Variants in LTK observed in about 807,000 individuals in gnomAD.
LTK encodes leukocyte receptor tyrosine kinase, also known as leukocyte tyrosine kinase receptor.
A neutral mutation model predicts 101.5 loss-of-function variants in LTK; 117 were observed. The ratio of observed to expected loss-of-function variants is 1.15; its 90% confidence interval spans 0.99 to 1.34. The LOEUF (loss-of-function observed/expected upper bound fraction) is 1.34. LTK is among the 40% of genes most tolerant of loss of function. The pLI, the probability that LTK is intolerant of heterozygous loss-of-function variation, is 0.00. For missense variants in LTK, 1,252 were observed against 1,164.7 expected, an observed-to-expected ratio of 1.07 and a Z score of -1.09; for synonymous variants, 563 against 494.2, an observed-to-expected ratio of 1.14 and a Z score of -1.85.
Position 41,511,279 on chromosome 15 carries a change from C to A in LTK, c.882G>T (p.Ala294=). The A allele has an allele frequency of 7.0e-7, 1 of 1,418,806 alleles. No homozygotes were observed. Among genetic ancestry groups the A allele is most frequent in the Non-Finnish European group, 9.2e-7 (1 of 1,091,464 alleles). The allele number at this position is 1,418,806 out of a possible 1,614,324, so 87.9% of individuals were successfully genotyped here. ...CCTCGGAGCAGCCCTGGCCGCCCTCCGCCCCCTCCTGCAGTGAGCGGCCGG... is the reference window on the plus strand; with the variant it reads ...CCTCGGAGCAGCCCTGGCCGCCCTCAGCCCCCTCCTGCAGTGAGCGGCCGG... ...PQAGRSLQEG[A]EGGQGCSEAW... Residue 294 remains alanine, a synonymous_variant, in exon 7 of 20, where the codon GCG becomes GCT. Transcript: ENST00000263800. The surrounding 1 kb of genome is among the most constrained non-coding windows in gnomAD (Gnocchi z 5.9).
At chr15:41,505,890 C>G in intron 12 of LTK, 25 bp downstream of exon 12, 5 of 1,607,490 alleles carry the variant, frequency 3.1e-6, no homozygotes, top group Non-Finnish European at 4.3e-6. Context: ...CTCCTACCCC[C>G]AGCCAGAAGT....
In LTK at chr15:41,504,387, G is replaced by A; in HGVS notation, c.2301C>T (p.Arg767=). The change falls in exon 19 of 20, where the codon CGC becomes CGT. Residue 767 remains arginine, a synonymous_variant. Coordinates refer to ENST00000263800, the MANE Select transcript of LTK (RefSeq NM_002344.6). ...GCTCCAAGATGCTGGCAAAGCTAGG[G>A]CGGAGCTCAGGCTCGTGCTGCCAAC... ...TQCWQHEPEL[R]PSFASILERL... The A allele has an allele frequency of 1.9e-6, 3 of 1,614,144 alleles. No individual in the cohort carries two copies. The highest frequency in any genetic ancestry group is 2.5e-6 in the Non-Finnish European group (3 of 1,180,006).
chr15:41,505,380 G>GC (rs750678804), intron 14 of LTK, 21 bp downstream of exon 14: 3 of 1,613,634 alleles, frequency 1.9e-6, no homozygotes, highest in Admixed American at 3.3e-5. Context: ...GGGCCTGGGG[G>GC]GGCTAAGACA....
Position 41,511,380 on chromosome 15 carries a change from A to C in LTK, c.815-34T>G. The stretch of plus-strand genomic sequence containing the variant: ...CGACAGCAGGAAGGTTGGCAGCCAC[A>C]CGGGGAGCACGCCCGCCTCTCCCCG... On this transcript the variant is annotated intron_variant, in intron 6 of 19. Transcript: ENST00000263800. This position sits in a 1 kb window ranked among gnomAD's most constrained non-coding sequence, Gnocchi z 5.9. 3 of 1,364,088 alleles carry C rather than the reference A, an allele frequency of 2.2e-6. No individual in the cohort carries two copies. Among genetic ancestry groups the C allele is most frequent in the Non-Finnish European group, 2.8e-6 (3 of 1,067,276 alleles). 84.5% of individuals were successfully genotyped at this position (1,364,088 alleles called of 1,614,324 possible).
Position 41,511,230 on chromosome 15 carries a change from C to A in LTK, c.931G>T (p.Ala311Ser), listed in dbSNP as rs1300480831. 4 of 1,404,270 alleles carry A rather than the reference C, an allele frequency of 2.8e-6. No homozygotes were observed. Among genetic ancestry groups the A allele is most frequent in the East Asian group, 3.1e-5 (1 of 31,936 alleles). 87.0% of individuals were successfully genotyped at this position (1,404,270 alleles called of 1,614,324 possible). The change falls in exon 7 of 20, where the codon GCG (alanine) becomes TCG (serine). Residue 311 changes from alanine (A) to serine (S), a missense_variant. By Grantham distance (99) the Ala-to-Ser change is moderately conservative (BLOSUM62 1). Transcript: ENST00000263800. The surrounding 1 kb of genome is among the most constrained non-coding windows in gnomAD (Gnocchi z 5.9). ...SEAWATLGWA[A>S]AGGFGGGGGA... ...CCGCCGCCCCCGAAGCCGCCGGCCG[C>A]GGCCCAGCCAAGGGTCGCCCAAGCC...
At chr15:41,506,040 C>T (rs775707145) in intron 11 of LTK, 35 bp from the exon 12 acceptor site, 18 of 1,477,784 alleles carry the variant, frequency 1.2e-5, no homozygotes, top group East Asian at 6.8e-5. Flanking sequence ...AGTGGGCAGG[C>T]GGCCTGGAGA....
At position 41,511,747 on chromosome 15, in the gene LTK, G is replaced by A. The variant is rs1183788803; in HGVS notation, c.657+70C>T. ...AGGGGGACCCCAAGGGACGGACGGA[G>A]AGCCGGTGCGTGAGCGCCCCTGGGG... On this transcript the variant is annotated intron_variant, in intron 5 of 19. Transcript: ENST00000263800. The surrounding 1 kb of genome is among the most constrained non-coding windows in gnomAD (Gnocchi z 5.9). 48 of 1,447,776 alleles carry A rather than the reference G, an allele frequency of 3.3e-5. No individual in the cohort carries two copies. Among genetic ancestry groups the A allele is most frequent in the Middle Eastern group, 4.8e-4 (2 of 4,144 alleles). 89.7% of individuals were successfully genotyped at this position (1,447,776 alleles called of 1,614,324 possible). A position where few individuals can be genotyped will look rare whatever the true frequency, so the allele number is the denominator to read the frequency against.
rs141452827 is a variant in LTK at position 41,507,464 on chromosome 15, G to A, written c.1345+98C>T. 12,693 of 1,557,256 alleles carry A rather than the reference G, an allele frequency of 8.2e-3. 61 individuals are homozygous for A. The highest frequency in any genetic ancestry group is 9.5e-3 in the Non-Finnish European group (10,961 of 1,150,650). On this transcript the variant is annotated intron_variant, in intron 10 of 19. Transcript: ENST00000263800. ...GTCTACCACGGCTCTGCTGCGGTGA[G>A]TGGTCTTGAAGTCAGCCCCGGGACC...
intron 11 of LTK, among the ~76,000 whole-genome samples, chr15:41,506,359 CAA>C (rs2051282942): frequency 6.6e-6 from 1 of 152,200 alleles, no homozygotes; most frequent in Non-Finnish European, 1.5e-5. Flanking sequence ...GGCTGGAGTG[CAA>C]TAGCGCGATC....
In LTK at chr15:41,505,994, T is replaced by C. The variant is rs762844291; in HGVS notation, c.1553A>G (p.His518Arg). ...ANVTLLRALG[H>R]GAFGEVYEGL... ...CTCATACACCTCCCCAAAGGCACCA[T>C]GGCCCAGGGCTCTGCAGGAAGACAC... is the stretch of plus-strand genomic sequence containing the variant. Residue 518 changes from histidine (H) to arginine (R), a missense_variant, in exon 12 of 20, where the codon CAT becomes CGT. His to Arg is a conservative substitution (Grantham distance 29). Coordinates refer to ENST00000263800, the MANE Select transcript of LTK (RefSeq NM_002344.6). 5.0e-6 allele frequency: 8 copies of C among 1,613,628 alleles called. No homozygotes were observed. Among genetic ancestry groups the C allele is most frequent in the Non-Finnish European group, 6.8e-6 (8 of 1,179,636 alleles).
At chr15:41,507,071 C>T in intron 11 of LTK, 24 bp downstream of exon 11, 1 of 1,600,476 alleles carries the variant, frequency 6.2e-7, no homozygotes, top group South Asian at 1.1e-5. Context: ...TGCATAGGTT[C>T]TCAGAAGGAG....
intron 2 of LTK, 39 bp from the exon 3 acceptor site, chr15:41,512,917 G>A (rs2253936): frequency 0.45 from 730,010 of 1,606,944 alleles, 167,594 homozygotes; most frequent in African/African-American, 0.62. Flanking sequence ...TCGAGCCCCT[G>A]GCTGGGCCAG....
intron 12 of LTK, 26 bp downstream of exon 12, chr15:41,505,889 C>G (rs1399254599): frequency 6.2e-7 from 1 of 1,607,404 alleles, no homozygotes; most frequent in Non-Finnish European, 8.5e-7. Flanking sequence ...TCTCCTACCC[C>G]CAGCCAGAAG....
In LTK at chr15:41,511,114, T is replaced by A. The variant is rs2051441331; in HGVS notation, c.997+50A>T. 8 of 1,341,290 alleles carry A rather than the reference T, an allele frequency of 6.0e-6. No individual in the cohort carries two copies. Among genetic ancestry groups the A allele is most frequent in the Non-Finnish European group, 7.6e-6 (8 of 1,049,248 alleles). 83.1% of individuals were successfully genotyped at this position (1,341,290 alleles called of 1,614,324 possible). On this transcript the variant is annotated intron_variant, in intron 7 of 19. Transcript: ENST00000263800. This position sits in a 1 kb window ranked among gnomAD's most constrained non-coding sequence, Gnocchi z 5.9. The stretch of plus-strand genomic sequence containing the variant: ...TCCGGCCTGTACTTAGGTTCTAACA[T>A]CACCTCACCCTCGGGCCTGCTCAGC...
At chr15:41,505,622 C>T in intron 13 of LTK, 91 bp downstream of exon 13, 1 of 1,606,102 alleles carries the variant, frequency 6.2e-7, no homozygotes, top group Non-Finnish European at 8.5e-7. Context: ...TCTGTGTCCC[C>T]TGACTTGCTA....
rs377698700 is a variant in LTK, at chr15:41,508,217, G to A, written c.1101C>T (p.Thr367=). 25 of 1,609,650 alleles carry A rather than the reference G, an allele frequency of 1.6e-5. No homozygotes were observed. The highest frequency in any genetic ancestry group is 2.2e-5 in the South Asian group (2 of 90,726). ...SELFLQPLAV[T]ENHGEVEIRR... is the part of the protein sequence containing the mutation. ...GGATCTCTACCTCTCCGTGGTTCTC[G>A]GTGACTGTGAGTAAAAGAACTGATA... Residue 367 remains threonine, a synonymous_variant, in exon 9 of 20, where the codon ACC becomes ACT. Coordinates refer to ENST00000263800, the MANE Select transcript of LTK (RefSeq NM_002344.6).
chr15:41,503,935 C>T lies in LTK; in HGVS notation c.*61G>A. The T allele has an allele frequency of 6.6e-7, 1 of 1,518,340 alleles. No individual in the cohort carries two copies. Among genetic ancestry groups the T allele is most frequent in the Non-Finnish European group, 8.8e-7 (1 of 1,136,228 alleles). The allele number at this position is 1,518,340 out of a possible 1,614,324, so 94.1% of individuals were successfully genotyped here. On this transcript the variant is annotated 3_prime_UTR_variant, in exon 20 of 20. Transcript: ENST00000263800. ...CTGGCATAACAGGCCACCCAGGAGCCTGAGGAGTATAGGGAGGGACCCTCA... is the reference window on the plus strand; with the variant it reads ...CTGGCATAACAGGCCACCCAGGAGCTTGAGGAGTATAGGGAGGGACCCTCA...
Position 41,504,786 on chromosome 15 carries a change from T to C in LTK, c.2107A>G (p.Lys703Glu), listed in dbSNP as rs1457264962. The change falls in exon 17 of 20, where the codon AAG becomes GAG. Residue 703 changes from lysine to glutamate, a missense_variant. Lys to Glu is a moderately conservative substitution (Grantham distance 56, BLOSUM62 1). Transcript: ENST00000263800. ...EAFLEGIFTS[K>E]TDSWSFGVLL... ...GGGTGTTATCACCAGGAATCTGTCT[T>C]GGATGTGAAGATGCCCTCCAGGAAG... is the stretch of plus-strand genomic sequence containing the variant. 2 of 1,612,284 alleles carry C rather than the reference T, an allele frequency of 1.2e-6. No homozygotes were observed. Among genetic ancestry groups the C allele is most frequent in the East Asian group, 2.2e-5 (1 of 44,876 alleles).
Position 41,504,071 on chromosome 15 carries a change from C to T in LTK, c.2520G>A (p.Leu840=). ...ATTTGAGGGGCTTGAGGCCAGAGGA[C>T]AGCCAGGGGCCAAGAGGGCTACCTC... The part of the protein sequence containing the change: ...SWGGSPLGPW[L]SSGLKPLKSR... Residue 840 remains leucine (L), a synonymous_variant, in exon 20 of 20, where the codon CTG becomes CTA. Transcript: ENST00000263800. 2 of 1,613,942 alleles carry T rather than the reference C, an allele frequency of 1.2e-6. No homozygotes were observed. Among genetic ancestry groups the T allele is most frequent in the South Asian group, 2.2e-5 (2 of 91,084 alleles).
Sources: gnomAD v4.1 joint callset for allele counts (sites outside exome capture counted in the v4.1 genomes callset) on GRCh38, gnomAD v4.1.1 for gene constraint, Gnocchi (gnomAD v3.1) non-coding constraint, MANE v1.5 for transcripts, NCBI Gene and HGNC (gene_info 2026-07-23, HGNC 2026-07-21) for gene names.